The following TRIM58 variants were observed in gnomAD, a reference collection of about 807,000 sequenced individuals.
TRIM58 encodes the protein E3 ubiquitin-protein ligase TRIM58.
Under a neutral mutation model 34.1 loss-of-function variants are expected in TRIM58, and 38 were observed. The observed-to-expected ratio is 1.12, with a 90% CI of 0.86 to 1.46. The LOEUF is 1.46. TRIM58 is among the 40% of genes most tolerant of loss of function. The pLI is 0.00. For synonymous variants in TRIM58, 273 were observed against 275.7 expected (o/e 0.99, Z 0.10); for missense variants, 677 against 642.0 (o/e 1.05, Z -0.59).
At chr1:247,865,882 C>T (rs965620540) in intron 3 of TRIM58, among the ~76,000 whole-genome samples, 1 of 152,150 alleles carries the variant, frequency 6.6e-6, no homozygotes, top group South Asian at 2.1e-4. Flanking sequence ...CCACGGATTC[C>T]ACCTTTTCTG....
chr1:247,863,114 G>A lies in TRIM58; in HGVS notation c.517-1591G>A, dbSNP rs571979484. ...AAAGAAGATGAAGTTTTCTGAATCT[G>A]GTGATTTAGAAAATGGTGGAAGGAG... On this transcript the variant is annotated intron_variant, in intron 2 of 5. Transcript: ENST00000366481. Among the ~76,000 whole-genome samples the A allele has an allele frequency of 5.3e-5, 8 of 152,294 alleles. No individual in the cohort carries two copies. In the South Asian group the frequency reaches 1.7e-3, roughly 32 times the overall value.
intron 2 of TRIM58, 128 bp from the exon 3 acceptor site, chr1:247,864,577 G>T: frequency 1.1e-6 from 1 of 882,654 alleles, no homozygotes; most frequent in Non-Finnish European, 1.7e-6. Flanking sequence ...CATGTTGTTA[G>T]GATGCAACCA....
At chr1:247,874,538 A>T (rs1320764650) in intron 5 of TRIM58, among the ~76,000 whole-genome samples, 1 of 152,200 alleles carries the variant, frequency 6.6e-6, no homozygotes, top group Non-Finnish European at 1.5e-5. Flanking sequence ...CTTATAAGCA[A>T]TGCTAATAAG....
At chr1:247,870,539 C>T (rs112101015) in intron 5 of TRIM58, among the ~76,000 whole-genome samples, 1 of 26,284 alleles carries the variant, frequency 3.8e-5, no homozygotes. Flanking sequence ...ATCAGAGTCA[C>T]GGCCACCCAT....
chr1:247,858,471 T>C (rs1394452391), intron 1 of TRIM58, among the ~76,000 whole-genome samples: 1 of 152,224 alleles, frequency 6.6e-6, no homozygotes, highest in Admixed American at 6.5e-5. Flanking sequence ...AGAGGAGGTC[T>C]AAGTCGTCTT....
rs202099817 is a variant in TRIM58 at position 247,868,025 on chromosome 1, G to A, written c.833G>A (p.Cys278Tyr). Residue 278 changes from cysteine to tyrosine, a missense_variant, in exon 5 of 6, where the codon TGC becomes TAC. By Grantham distance (194) the Cys-to-Tyr change is radical (BLOSUM62 -2). Coordinates refer to ENST00000366481, the MANE Select transcript of TRIM58 (RefSeq NM_015431.4). The part of the protein sequence containing the change: ...NIPMELKTAC[C>Y]IPGRRELLRK... Reference sequence around the variant, plus strand: ...CCCATGGAACTGAAGACAGCATGCTGCATCCCTGGGAGGAGGGAGCTCTTA... The same window carrying A: ...CCCATGGAACTGAAGACAGCATGCTACATCCCTGGGAGGAGGGAGCTCTTA... 8.1e-6 allele frequency: 13 copies of A among 1,611,402 alleles called. No homozygotes were observed. The East Asian group carries it at 2.9e-4, about 36-fold the overall frequency.
chr1:247,863,658 C>A lies in TRIM58; in HGVS notation c.517-1047C>A, dbSNP rs567065822. On this transcript the variant is annotated intron_variant, in intron 2 of 5. Transcript: ENST00000366481. ...CAAAAAATAAAATAAATCGATAAAA[C>A]AGGACAGAGAATGGGAGGTATAGAT... 8.5e-5 allele frequency among the ~76,000 whole-genome samples: 13 copies of A among 152,058 alleles called. No homozygotes were observed. The South Asian group carries it at 2.3e-3, about 27-fold the overall frequency.
rs1205460052 is a variant in TRIM58, at chr1:247,878,373, G to T, written c.*1884G>T. On this transcript the variant is annotated 3_prime_UTR_variant, in exon 6 of 6. Transcript: ENST00000366481. ...TTTTCTCTTCCAGGGAGATTTTTTC[G>T]ACTGACATCTTTAACTTACCTTCCA... Among the ~76,000 whole-genome samples, 1 of 151,868 alleles carries T rather than the reference G, an allele frequency of 6.6e-6. No homozygotes were observed. Among genetic ancestry groups the T allele is most frequent in the Admixed American group, 6.6e-5 (1 of 15,240 alleles).
intron 1 of TRIM58, among the ~76,000 whole-genome samples, chr1:247,859,289 A>G (rs1335191540): frequency 6.6e-6 from 1 of 152,126 alleles, no homozygotes; most frequent in African/African-American, 2.4e-5. Context: ...CTTTGGCCTG[A>G]GGGAGCTTTT....
chr1:247,857,260 C>T lies in TRIM58; in HGVS notation c.14C>T (p.Pro5Leu), dbSNP rs1187386278. The change falls in exon 1 of 6, where the codon CCG (proline) becomes CTG (leucine). Residue 5 changes from proline (P) to leucine (L), a missense_variant. Transcript: ENST00000366481. ...GGGAGGCGGGTCATGGCCTGGGCGCCGCCCGGGGAGCGGCTGCGCGAGGAT... is the reference window on the plus strand; with the variant it reads ...GGGAGGCGGGTCATGGCCTGGGCGCTGCCCGGGGAGCGGCTGCGCGAGGAT... Reference protein sequence around the residue: MAWAPPGERLREDAR... With the variant: MAWALPGERLREDAR... The T allele has an allele frequency of 2.3e-6, 3 of 1,328,308 alleles. No homozygotes were observed. The highest frequency in any genetic ancestry group is 2.9e-6 in the Non-Finnish European group (3 of 1,031,724). 82.3% of individuals were successfully genotyped at this position (1,328,308 alleles called of 1,614,324 possible).
At chr1:247,862,012 C>T (rs1478116145) in intron 2 of TRIM58, among the ~76,000 whole-genome samples, 1 of 152,140 alleles carries the variant, frequency 6.6e-6, no homozygotes, top group Non-Finnish European at 1.5e-5. Flanking sequence ...CCTATAATCC[C>T]AGCTACTCGG....
rs1663962835 is a variant in TRIM58, at chr1:247,867,703, G to T, written c.748-142G>T. ...GAAACTCCATCTCAAAAAAAAAATAGAAAAGAGATTTATTGTCCCCTATAA... is the reference window on the plus strand; with the variant it reads ...GAAACTCCATCTCAAAAAAAAAATATAAAAGAGATTTATTGTCCCCTATAA... On this transcript the variant is annotated intron_variant, in intron 3 of 5. Transcript: ENST00000366481. 9.0e-6 allele frequency: 9 copies of T among 994,970 alleles called. No homozygotes were observed. In the East Asian group the frequency reaches 2.2e-4, roughly 25 times the overall value. The allele number at this position is 994,970 out of a possible 1,614,324, so 61.6% of individuals were successfully genotyped here. A position where few individuals can be genotyped will look rare whatever the true frequency, so the allele number is the denominator to read the frequency against.
intron 2 of TRIM58, among the ~76,000 whole-genome samples, chr1:247,863,154 TGGAA>T (rs1271233991): frequency 6.6e-6 from 1 of 152,052 alleles, no homozygotes; most frequent in Non-Finnish European, 1.5e-5. Context: ...AGATGGAAAA[TGGAA>T]GGAAGTAGTT....
chr1:247,860,766 G>A (rs149834607), intron 2 of TRIM58, 54 bp downstream of exon 2: 15 of 1,391,838 alleles, frequency 1.1e-5, no homozygotes, highest in South Asian at 5.9e-5. Flanking sequence ...ATCCAGATTC[G>A]GGTCAGTAAT....
In TRIM58 at chr1:247,857,237, G is replaced by C; in HGVS notation, c.-10G>C. ...GGCGGCCGGGAGCGCAGCCCTCCGG[G>C]AGGCGGGTCATGGCCTGGGCGCCGC... On this transcript the variant is annotated 5_prime_UTR_variant, in exon 1 of 6. Coordinates refer to ENST00000366481, the MANE Select transcript of TRIM58 (RefSeq NM_015431.4). 3.0e-6 allele frequency: 4 copies of C among 1,313,544 alleles called. No homozygotes were observed. The East Asian group carries it at 1.2e-4, about 41-fold the overall frequency. 81.4% of individuals were successfully genotyped at this position (1,313,544 alleles called of 1,614,324 possible).
intron 2 of TRIM58, among the ~76,000 whole-genome samples, chr1:247,863,465 G>C (rs1212572895): frequency 6.7e-6 from 1 of 149,284 alleles, no homozygotes; most frequent in Non-Finnish European, 1.5e-5. Context: ...TTGAACCCAG[G>C]AGGAGGAGGT....
intron 5 of TRIM58, among the ~76,000 whole-genome samples, chr1:247,873,602 G>A (rs1427278371): frequency 6.6e-6 from 1 of 152,186 alleles, no homozygotes; most frequent in Non-Finnish European, 1.5e-5. Flanking sequence ...TGACAATGGT[G>A]ACCCTCAGGG....
At chr1:247,860,098 A>G (rs1465275253) in intron 1 of TRIM58, among the ~76,000 whole-genome samples, 1 of 152,208 alleles carries the variant, frequency 6.6e-6, no homozygotes, top group Non-Finnish European at 1.5e-5. Context: ...GTTTTAGTTT[A>G]GTTATGCTAT....
Position 247,878,475 on chromosome 1 carries a change from T to C in TRIM58, c.*1986T>C, listed in dbSNP as rs1348380800. ...GAGCGAACACTTCTACTCTCTGTGA[T>C]AGATTTGCAAACAGAGGAAATAACG... On this transcript the variant is annotated 3_prime_UTR_variant, in exon 6 of 6. Transcript: ENST00000366481. Among the ~76,000 whole-genome samples, 2 of 152,206 alleles carry C rather than the reference T, an allele frequency of 1.3e-5. No homozygotes were observed. The highest frequency in any genetic ancestry group is 2.9e-5 in the Non-Finnish European group (2 of 68,048).
Sources: gnomAD v4.1 joint callset for allele counts (sites outside exome capture counted in the v4.1 genomes callset) on GRCh38, gnomAD v4.1.1 for gene constraint, MANE v1.5 for transcripts, NCBI Gene and HGNC (gene_info 2026-07-23, HGNC 2026-07-21) for gene names.